The following COL19A1 variants were observed in gnomAD, a reference collection of about 807,000 sequenced individuals.
The protein encoded by COL19A1 is collagen alpha-1(XIX) chain.
A neutral mutation model predicts 190.2 loss-of-function variants in COL19A1; 159 were observed. That is an observed-to-expected ratio of 0.84 (90% CI 0.73 to 0.95). The LOEUF (loss-of-function observed/expected upper bound fraction) is 0.95. Among genes scored for constraint, COL19A1 ranks in the 40% least tolerant of loss-of-function variants. The probability of loss-of-function intolerance (pLI) is 0.00; values close to 1 mark genes in which losing one functional copy is unlikely to be tolerated. For missense variants in COL19A1, 1,418 were observed against 1,431.9 expected (o/e 0.99, Z 0.16); for synonymous variants, 509 against 458.9 (o/e 1.11, Z -1.39).
chr6:69,978,371 A>C (rs1775845894), intron 11 of COL19A1, among the ~76,000 whole-genome samples: 1 of 152,130 alleles, frequency 6.6e-6, no homozygotes, highest in Non-Finnish European at 1.5e-5. Context: ...AAAATTTATG[A>C]TTCTTTGGAC....
intron 44 of COL19A1, among the ~76,000 whole-genome samples, chr6:70,181,007 G>A (rs1016765742): frequency 3.9e-5 from 6 of 152,114 alleles, no homozygotes; most frequent in Non-Finnish European, 8.8e-5. Flanking sequence ...AAGAGCTCTT[G>A]GTTACTGATC....
At chr6:69,903,882 C>A (rs190961688) in intron 4 of COL19A1, among the ~76,000 whole-genome samples, 1 of 152,264 alleles carries the variant, frequency 6.6e-6, no homozygotes, top group East Asian at 1.9e-4. Context: ...GGGAGCATTG[C>A]CGCTTCTAAA....
intron 9 of COL19A1, among the ~76,000 whole-genome samples, chr6:69,950,600 C>T (rs1018408864): frequency 1.3e-5 from 2 of 149,388 alleles, no homozygotes; most frequent in Non-Finnish European, 3.0e-5. Flanking sequence ...CTCTGTCAAT[C>T]AAAATAAGTA....
At chr6:69,938,250 TAG>T (rs1562016262) in intron 9 of COL19A1, 150 bp downstream of exon 9, 2 of 736,622 alleles carry the variant, frequency 2.7e-6, no homozygotes, top group Non-Finnish European at 4.4e-6. Flanking sequence ...ATTACTGAAA[TAG>T]AGACTATCAG....
chr6:70,186,047 CTGTCTTGTAAG>C (rs1766495141), intron 46 of COL19A1, among the ~76,000 whole-genome samples: 1 of 151,980 alleles, frequency 6.6e-6, no homozygotes, highest in African/African-American at 2.4e-5. Flanking sequence ...GGAGCTTATG[CTGTCTTGTAAG>C]TGTCTTTTTT....
At chr6:70,146,233 AATTTCTCTTCC>A (rs947380527) in intron 25 of COL19A1, among the ~76,000 whole-genome samples, 1 of 152,108 alleles carries the variant, frequency 6.6e-6, no homozygotes, top group Non-Finnish European at 1.5e-5. Context: ...AACTACCTGA[AATTTCTCTTCC>A]AGAGGTTTTG....
chr6:70,209,997 T>C lies in COL19A1; in HGVS notation c.*2723T>C, dbSNP rs1768092584. The C allele has an allele frequency of 6.6e-6, 1 of 152,204 alleles. No individual in the cohort carries two copies. The highest frequency in any genetic ancestry group is 2.1e-4 in the South Asian group (1 of 4,830). The allele number at this position is 152,204 out of a possible 1,614,324, so 9.4% of individuals were successfully genotyped here. The stretch of plus-strand genomic sequence containing the variant: ...ATGACTTGATGGTTGCCAAATCCCT[T>C]GCACCATTTTATTCCATTCCAAAAC... On this transcript the variant is annotated 3_prime_UTR_variant, in exon 51 of 51. Coordinates refer to ENST00000620364, the MANE Select transcript of COL19A1 (RefSeq NM_001858.6).
chr6:69,878,812 T>C (rs1298392626), intron 1 of COL19A1, among the ~76,000 whole-genome samples: 11 of 152,182 alleles, frequency 7.2e-5, no homozygotes, highest in East Asian at 5.8e-4. Context: ...CAAATGTCCA[T>C]TGATGGATGA....
chr6:70,191,466 T>C (rs75438512), intron 48 of COL19A1, among the ~76,000 whole-genome samples: 2 of 152,330 alleles, frequency 1.3e-5, no homozygotes, highest in East Asian at 1.9e-4. Context: ...CTAAATTTCA[T>C]AAGCATGTCA....
At chr6:69,878,307 A>G (rs1011287411) in intron 1 of COL19A1, among the ~76,000 whole-genome samples, 2 of 151,680 alleles carry the variant, frequency 1.3e-5, no homozygotes, top group Non-Finnish European at 2.9e-5. Context: ...TCCACCTCCC[A>G]GGTTCAAGTG....
chr6:70,094,850 CT>C (rs1454119569), intron 15 of COL19A1, among the ~76,000 whole-genome samples: 5 of 152,164 alleles, frequency 3.3e-5, no homozygotes, highest in Admixed American at 3.3e-4. Flanking sequence ...TGGAATCAAG[CT>C]TTAGATCATT....
chr6:70,088,808 T>C (rs182630215), intron 15 of COL19A1, among the ~76,000 whole-genome samples: 1,543 of 152,268 alleles, frequency 0.01, 10 homozygotes, highest in Non-Finnish European at 0.015. Flanking sequence ...ACTTAATAAA[T>C]ATACAAATGC....
intron 14 of COL19A1, among the ~76,000 whole-genome samples, chr6:70,044,728 T>A (rs1031603289): frequency 1.3e-5 from 2 of 152,186 alleles, no homozygotes; most frequent in African/African-American, 4.8e-5. Flanking sequence ...GTTAGATTTT[T>A]GATAATGTCC....
intron 14 of COL19A1, among the ~76,000 whole-genome samples, chr6:70,054,558 TA>T (rs1443839458): frequency 6.6e-6 from 1 of 152,206 alleles, no homozygotes; most frequent in African/African-American, 2.4e-5. Context: ...CTGTATGTAA[TA>T]AGTAAACTTT....
At chr6:69,908,116 T>A (rs1466947395) in intron 4 of COL19A1, among the ~76,000 whole-genome samples, 4 of 152,248 alleles carry the variant, frequency 2.6e-5, no homozygotes, top group African/African-American at 9.6e-5. Context: ...TCCTTGCCTC[T>A]TAAGGGACTA....
chr6:69,908,077 T>C (rs1394926723), intron 4 of COL19A1, among the ~76,000 whole-genome samples: 1 of 152,236 alleles, frequency 6.6e-6, no homozygotes, highest in Non-Finnish European at 1.5e-5. Context: ...TTAAGCATCA[T>C]GCACAAGGCT....
intron 11 of COL19A1, among the ~76,000 whole-genome samples, chr6:69,989,832 CT>C (rs1478757996): frequency 6.6e-6 from 1 of 152,086 alleles, no homozygotes; most frequent in African/African-American, 2.4e-5. Context: ...TTCCTCATCT[CT>C]AAAGCAGAGT....
intron 47 of COL19A1, among the ~76,000 whole-genome samples, chr6:70,189,187 T>C (rs975727923): frequency 1.3e-5 from 2 of 152,220 alleles, no homozygotes; most frequent in African/African-American, 4.8e-5. Context: ...TTGTTACAAA[T>C]GAACTAGCAC....
chr6:69,968,046 A>G (rs1461153060), intron 11 of COL19A1, among the ~76,000 whole-genome samples: 1 of 152,334 alleles, frequency 6.6e-6, no homozygotes, highest in South Asian at 2.1e-4. Context: ...GCTAATTTTC[A>G]GATGACATAA....
Sources: gnomAD v4.1 joint callset for allele counts (sites outside exome capture counted in the v4.1 genomes callset) on GRCh38, gnomAD v4.1.1 for gene constraint, MANE v1.5 for transcripts, NCBI Gene and HGNC (gene_info 2026-07-23, HGNC 2026-07-21) for gene names.